The following SLC29A1 variants were observed in gnomAD, a reference collection of about 807,000 sequenced individuals.
The protein encoded by SLC29A1 is equilibrative nucleoside transporter 1.
In SLC29A1, 22 loss-of-function variants were observed where a neutral mutation model predicts 48.3. The observed-to-expected ratio is 0.46, with a 90% CI of 0.33 to 0.65. The LOEUF (loss-of-function observed/expected upper bound fraction) is 0.65, where lower values mean the gene tolerates loss of function less well. SLC29A1 is among the 30% of genes least tolerant of loss of function. SLC29A1 has a pLI of 0.03. For synonymous variants in SLC29A1, 228 were observed against 231.0 expected, an observed-to-expected ratio of 0.99 and a Z score of 0.12; for missense variants, 491 against 575.3, an observed-to-expected ratio of 0.85 and a Z score of 1.50.
chr6:44,232,056 C>T lies in SLC29A1; in HGVS notation c.923C>T (p.Pro308Leu). 6.2e-7 allele frequency: 1 copy of T among 1,614,092 alleles called. No homozygotes were observed. Among genetic ancestry groups the T allele is most frequent in the Non-Finnish European group, 8.5e-7 (1 of 1,179,980 alleles). Residue 308 changes from proline to leucine, a missense_variant, in exon 10 of 13, where the codon CCA becomes CTA. Transcript: ENST00000371755. The surrounding 1 kb of genome is among the most constrained non-coding windows in gnomAD (Gnocchi z 4.7). ...TTCACTATCACCATTGGGATGTTTC[C>T]AGCCGTGACTGTTGAGGTCAAGTCC... ...FIFTITIGMF[P>L]AVTVEVKSSI...
Position 44,223,693 on chromosome 6 carries a change from G to A in SLC29A1, c.-52+52G>A. 1.8e-6 allele frequency: 2 copies of A among 1,115,540 alleles called. No homozygotes were observed. The highest frequency in any genetic ancestry group is 2.2e-6 in the Non-Finnish European group (2 of 897,624). The allele number at this position is 1,115,540 out of a possible 1,614,324, so 69.1% of individuals were successfully genotyped here. The stretch of plus-strand genomic sequence containing the variant: ...ACTGGGGACTGCCGGGGCGGAAGAC[G>A]CCGCTGCCCGCCTGCCACGGAGGGC... On this transcript the variant is annotated intron_variant, in intron 1 of 12. Coordinates refer to ENST00000371755, the MANE Select transcript of SLC29A1 (RefSeq NM_001372327.1). The surrounding 1 kb of genome is among the most constrained non-coding windows in gnomAD (Gnocchi z 5.0).
chr6:44,223,993 G>A lies in SLC29A1; in HGVS notation c.-52+352G>A. ...GAGGGGCCGTGCCGCTGACTGCGCT[G>A]GCGGAGGGGTATGGGGATGGGGATG... is the stretch of plus-strand genomic sequence containing the variant. On this transcript the variant is annotated intron_variant, in intron 1 of 12. Transcript: ENST00000371755. The surrounding 1 kb of genome is among the most constrained non-coding windows in gnomAD (Gnocchi z 5.0). The A allele has an allele frequency of 1.0e-6, 1 of 973,038 alleles. No individual in the cohort carries two copies. Among genetic ancestry groups the A allele is most frequent in the Non-Finnish European group, 1.2e-6 (1 of 818,588 alleles). The allele number at this position is 973,038 out of a possible 1,614,324, so 60.3% of individuals were successfully genotyped here.
At chr6:44,223,537 C>T, upstream of SLC29A1, 1 of 1,157,602 alleles carries the variant, frequency 8.6e-7, no homozygotes, top group South Asian at 1.6e-5. This position sits in a 1 kb window ranked among gnomAD's most constrained non-coding sequence, Gnocchi z 5.0. Flanking sequence ...GGGCGCAGGG[C>T]GGGGCGAGCT....
At chr6:44,227,030 C>A (rs368325114) in intron 1 of SLC29A1, 1 of 1,295,220 alleles carries the variant, frequency 7.7e-7, no homozygotes, top group South Asian at 2.0e-5. Context: ...GCGGCCAGGC[C>A]GGGAGCCAGG....
chr6:44,228,214 T>C (rs1010635063), intron 2 of SLC29A1, among the ~76,000 whole-genome samples: 23 of 152,080 alleles, frequency 1.5e-4, no homozygotes, highest in Admixed American at 1.3e-4. Flanking sequence ...GCCCATTCTG[T>C]CCCCACCTCC....
At position 44,232,390 on chromosome 6, in the gene SLC29A1, GACT is replaced by G. The variant is rs1779101050; in HGVS notation, c.1022_1024del (p.Asp341_Trp342delinsGly). 1 of 1,613,684 alleles carries G rather than the reference GACT, an allele frequency of 6.2e-7. No individual in the cohort carries two copies. Among genetic ancestry groups the G allele is most frequent in the Non-Finnish European group, 8.5e-7 (1 of 1,179,780 alleles). ...CTGTTTCTTGACTTTCAATATCTTTGACTGGTTGGGCCGGAGCCTCACAGCTGT... is the reference window on the plus strand; with the variant it reads ...CTGTTTCTTGACTTTCAATATCTTTGGGTTGGGCCGGAGCCTCACAGCTGT... On this transcript the variant is annotated inframe_deletion, in exon 11 of 13. Coordinates refer to ENST00000371755, the MANE Select transcript of SLC29A1 (RefSeq NM_001372327.1). The surrounding 1 kb of genome is among the most constrained non-coding windows in gnomAD (Gnocchi z 4.7).
intron 9 of SLC29A1, among the ~76,000 whole-genome samples, 164 bp from the exon 10 acceptor site, chr6:44,231,834 A>G (rs1778959606): frequency 6.6e-6 from 1 of 152,090 alleles, no homozygotes; most frequent in South Asian, 2.1e-4. Context: ...CACCAGGTCA[A>G]GCTGGTCTCA....
upstream of SLC29A1, among the ~76,000 whole-genome samples, chr6:44,222,133 A>G (rs1582921442): frequency 6.6e-6 from 1 of 152,108 alleles, no homozygotes; most frequent in Admixed American, 6.5e-5. Flanking sequence ...CTGGACAAAC[A>G]TGAGGGCAGG....
chr6:44,227,502 C>T (rs1342771702), intron 2 of SLC29A1, among the ~76,000 whole-genome samples, 160 bp downstream of exon 2: 1 of 152,148 alleles, frequency 6.6e-6, no homozygotes, highest in Non-Finnish European at 1.5e-5. Flanking sequence ...TGTGCCTTGG[C>T]TGGGTGCTGG....
Position 44,229,422 on chromosome 6 carries a change from T to A in SLC29A1, c.62T>A (p.Leu21Gln), listed in dbSNP as rs1455771449. ...YKAVWLIFFM[L>Q]GLGTLLPWNF... ...GCTGTCTGGCTTATCTTCTTCATGC[T>A]GGGTCTGGGAACGCTGCTCCCGTGG... The change falls in exon 3 of 13, where the codon CTG becomes CAG. Residue 21 changes from leucine to glutamine, a missense_variant. Transcript: ENST00000371755. The surrounding 1 kb of genome is among the most constrained non-coding windows in gnomAD (Gnocchi z 5.1). 1.9e-6 allele frequency: 3 copies of A among 1,614,040 alleles called. No homozygotes were observed.
At chr6:44,220,109 C>T (rs528063995), upstream of SLC29A1, among the ~76,000 whole-genome samples, 4 of 152,174 alleles carry the variant, frequency 2.6e-5, no homozygotes, top group South Asian at 6.2e-4. Context: ...TCTCGAACCC[C>T]GAGCCAGTAC....
intron 2 of SLC29A1, 75 bp downstream of exon 2, chr6:44,227,417 T>C: frequency 7.4e-7 from 1 of 1,350,456 alleles, no homozygotes; most frequent in South Asian, 1.2e-5. Flanking sequence ...CCTTTGGAAT[T>C]GGGGGTTGCC....
Position 44,232,254 on chromosome 6 carries a change from C to T in SLC29A1, c.974-89C>T. On this transcript the variant is annotated intron_variant, in intron 10 of 12. Coordinates refer to ENST00000371755, the MANE Select transcript of SLC29A1 (RefSeq NM_001372327.1). This position sits in a 1 kb window ranked among gnomAD's most constrained non-coding sequence, Gnocchi z 4.7. The stretch of plus-strand genomic sequence containing the variant: ...GGCTGGAAGCATCTTCTCCATTTTA[C>T]TGTTGGGGAAGCTGAGGCCCAGTGA... 1.7e-6 allele frequency: 2 copies of T among 1,167,462 alleles called. No homozygotes were observed. The highest frequency in any genetic ancestry group is 2.6e-6 in the Non-Finnish European group (2 of 773,562). The allele number at this position is 1,167,462 out of a possible 1,614,324, so 72.3% of individuals were successfully genotyped here.
intron 9 of SLC29A1, 29 bp from the exon 10 acceptor site, chr6:44,231,969 A>G: frequency 2.0e-6 from 3 of 1,514,864 alleles, no homozygotes; most frequent in Non-Finnish European, 2.8e-6. Flanking sequence ...AGACACAGGC[A>G]TTTGGGTGAC....
rs1778831390 is a variant in SLC29A1 at position 44,231,374 on chromosome 6, A to G, written c.777A>G (p.Pro259=). ...KLDLISKGEE[P]RAGKEESGVS... is the part of the protein sequence containing the mutation. Reference sequence around the variant, plus strand: ...TCTTCCATCCCGCAGGAGAGGAGCCAAGAGCAGGCAAAGAGGAATCTGGAG... The same window carrying G: ...TCTTCCATCCCGCAGGAGAGGAGCCGAGAGCAGGCAAAGAGGAATCTGGAG... Residue 259 remains proline (P), a synonymous_variant, in exon 9 of 13, where the codon CCA becomes CCG. Coordinates refer to ENST00000371755, the MANE Select transcript of SLC29A1 (RefSeq NM_001372327.1). 1.9e-6 allele frequency: 3 copies of G among 1,597,560 alleles called. No homozygotes were observed. Among genetic ancestry groups the G allele is most frequent in the Non-Finnish European group, 2.6e-6 (3 of 1,168,944 alleles).
intron 2 of SLC29A1, 109 bp downstream of exon 2, chr6:44,227,451 G>T: frequency 1.0e-6 from 1 of 956,056 alleles, no homozygotes; most frequent in Non-Finnish European, 1.6e-6. Context: ...CTTCCAGCCA[G>T]GTAGCTATGA....
chr6:44,230,173 C>G, intron 5 of SLC29A1, 127 bp downstream of exon 5: 1 of 1,492,952 alleles, frequency 6.7e-7, no homozygotes, highest in Non-Finnish European at 9.2e-7. Flanking sequence ...CTGTGAGCAG[C>G]TGGGATTCAG....
At chr6:44,231,584 T>G in intron 9 of SLC29A1, 123 bp downstream of exon 9, 1 of 695,966 alleles carries the variant, frequency 1.4e-6, no homozygotes, top group Non-Finnish European at 2.6e-6. Flanking sequence ...TGGATTCTTT[T>G]GTGTGTGCGT....
intron 1 of SLC29A1, among the ~76,000 whole-genome samples, chr6:44,224,830 C>T (rs1777128882): frequency 6.6e-6 from 1 of 152,190 alleles, no homozygotes; most frequent in South Asian, 2.1e-4. Context: ...ACACCAGATG[C>T]TCTGAGCTGG....
Sources: gnomAD v4.1 joint callset for allele counts (sites outside exome capture counted in the v4.1 genomes callset) on GRCh38, gnomAD v4.1.1 for gene constraint, Gnocchi (gnomAD v3.1) non-coding constraint, MANE v1.5 for transcripts, NCBI Gene and HGNC (gene_info 2026-07-23, HGNC 2026-07-21) for gene names.